The following UBE2E1 variants were observed in gnomAD, a reference collection of about 807,000 sequenced individuals.
UBE2E1 encodes the protein ubiquitin-conjugating enzyme E2 E1.
In UBE2E1, 6 loss-of-function variants were observed where a neutral mutation model predicts 21.4. That is an observed-to-expected ratio of 0.28 (90% CI 0.15 to 0.55). The LOEUF (loss-of-function observed/expected upper bound fraction) is 0.55, where lower values mean the gene tolerates loss of function less well. Among genes scored for constraint, UBE2E1 ranks in the 20% least tolerant of loss-of-function variants. UBE2E1 has a pLI of 0.93. For synonymous variants in UBE2E1, 87 were observed against 82.7 expected (o/e 1.05, Z -0.28); for missense variants, 142 against 236.5 (o/e 0.60, Z 2.62).
chr3:23,841,017 A>C (rs1700074125), intron 3 of UBE2E1, among the ~76,000 whole-genome samples: 1 of 152,228 alleles, frequency 6.6e-6, no homozygotes. Context: ...TAGAAGCTGA[A>C]GTGACTTTAC....
At chr3:23,873,689 T>C (rs1700852302) in intron 3 of UBE2E1, among the ~76,000 whole-genome samples, 1 of 152,032 alleles carries the variant, frequency 6.6e-6, no homozygotes, top group South Asian at 2.1e-4. Flanking sequence ...GAGGTTGCAG[T>C]GAGCCAAGAT....
At chr3:23,833,097 C>T (rs1350565868) in intron 3 of UBE2E1, among the ~76,000 whole-genome samples, 1 of 152,124 alleles carries the variant, frequency 6.6e-6, no homozygotes, top group African/African-American at 2.4e-5. Context: ...TAACACCATA[C>T]CTTTTGGTCA....
intron 3 of UBE2E1, among the ~76,000 whole-genome samples, chr3:23,828,781 A>G (rs1378863249): frequency 6.6e-6 from 1 of 152,272 alleles, no homozygotes; most frequent in African/African-American, 2.4e-5. Context: ...AAATTTGTTT[A>G]TAATTTTTAT....
At chr3:23,889,943 CAA>C (rs1701330296) in intron 5 of UBE2E1, 2 of 155,044 alleles carry the variant, frequency 1.3e-5, no homozygotes, top group Non-Finnish European at 2.8e-5. Flanking sequence ...CACACACAGA[CAA>C]ATATATTTTC....
At chr3:23,830,982 G>A (rs1410348335) in intron 3 of UBE2E1, among the ~76,000 whole-genome samples, 2 of 152,196 alleles carry the variant, frequency 1.3e-5, no homozygotes, top group South Asian at 2.1e-4. Flanking sequence ...AAGGTTATGT[G>A]CAGCTTAGTA....
chr3:23,887,835 T>C lies in UBE2E1; in HGVS notation c.336+136T>C, dbSNP rs112471069. 2,514 of 1,193,756 alleles carry C rather than the reference T, an allele frequency of 2.1e-3. 44 individuals carry two copies. The African/African-American group carries it at 0.034, about 16-fold the overall frequency. The allele number at this position is 1,193,756 out of a possible 1,614,324, so 73.9% of individuals were successfully genotyped here. On this transcript the variant is annotated intron_variant, in intron 4 of 5. Coordinates refer to ENST00000306627, the MANE Select transcript of UBE2E1 (RefSeq NM_003341.5). This position sits in a 1 kb window ranked among gnomAD's most constrained non-coding sequence, Gnocchi z 4.4. ...TAATAGATCTGAGTATTTTAACATA[T>C]ACAAAACACTTCTTTAGGTTGATTT...
Position 23,853,722 on chromosome 3 carries a change from T to C in UBE2E1, c.204-33845T>C, listed in dbSNP as rs576617367. Among the ~76,000 whole-genome samples, 1 of 152,156 alleles carries C rather than the reference T, an allele frequency of 6.6e-6. No homozygotes were observed. The highest frequency in any genetic ancestry group is 6.5e-5 in the Admixed American group (1 of 15,272). ...AAAATAACTACATGTACACCTGTAGTCTTGCTTTGTACAGGTTTTGCATTT... is the reference window on the plus strand; with the variant it reads ...AAAATAACTACATGTACACCTGTAGCCTTGCTTTGTACAGGTTTTGCATTT... On this transcript the variant is annotated intron_variant, in intron 3 of 5. Coordinates refer to ENST00000306627, the MANE Select transcript of UBE2E1 (RefSeq NM_003341.5). The surrounding 1 kb of genome is among the most constrained non-coding windows in gnomAD (Gnocchi z 4.1).
intron 3 of UBE2E1, among the ~76,000 whole-genome samples, chr3:23,846,373 G>C (rs1414619926): frequency 2.0e-5 from 3 of 152,026 alleles, no homozygotes; most frequent in Non-Finnish European, 4.4e-5. Context: ...AGTTCAGCCT[G>C]GGCAACATGG....
intron 3 of UBE2E1, among the ~76,000 whole-genome samples, chr3:23,885,362 C>A (rs1430769455): frequency 6.6e-6 from 1 of 152,084 alleles, no homozygotes; most frequent in East Asian, 1.9e-4. Context: ...TTATGATGAC[C>A]AAGAACCGGT....
intron 3 of UBE2E1, among the ~76,000 whole-genome samples, chr3:23,852,668 C>G (rs1022089272): frequency 2.0e-5 from 3 of 152,196 alleles, no homozygotes; most frequent in Non-Finnish European, 4.4e-5. Flanking sequence ...AATCTCAACT[C>G]AGTGCAGCCA....
At position 23,821,003 on chromosome 3, in the gene UBE2E1, T is replaced by G. The variant is rs140266349; in HGVS notation, c.203+9493T>G. Among the ~76,000 whole-genome samples, 907 of 152,308 alleles carry G rather than the reference T, an allele frequency of 6.0e-3. 4 individuals carry two copies. The highest frequency in any genetic ancestry group is 0.012 in the Admixed American group (176 of 15,284). ...GTGATGCAGCTCAAAAAGTCAGCAT[T>G]ATTATGAAGCAATGTTGTACATGTG... On this transcript the variant is annotated intron_variant, in intron 3 of 5. Transcript: ENST00000306627.
intron 3 of UBE2E1, among the ~76,000 whole-genome samples, chr3:23,873,316 G>A (rs190651668): frequency 6.6e-6 from 1 of 152,278 alleles, no homozygotes; most frequent in African/African-American, 2.4e-5. Context: ...GCTACCTTCA[G>A]CTGAAGGCAT....
At position 23,845,587 on chromosome 3, in the gene UBE2E1, C is replaced by CTGTGTGTGTG. The variant is rs372552220; in HGVS notation, c.203+34078_203+34079insGTGTGTGTGT. ...TCTCTCTCTCTCTCTCTCTCTCTCT[C>CTGTGTGTGTG]TCTGTGTGTGTGTGTGTGTGTGTGT... is the stretch of plus-strand genomic sequence containing the variant. On this transcript the variant is annotated intron_variant, in intron 3 of 5. Coordinates refer to ENST00000306627, the MANE Select transcript of UBE2E1 (RefSeq NM_003341.5). Among the ~76,000 whole-genome samples the CTGTGTGTGTG allele has an allele frequency of 9.9e-3, 1,140 of 115,458 alleles. 9 individuals carry two copies. The highest frequency in any genetic ancestry group is 0.037 in the South Asian group (110 of 2,966). The allele number at this position is 115,458 out of a possible 152,430, so 75.7% of individuals were successfully genotyped here. A position where few individuals can be genotyped will look rare whatever the true frequency, so the allele number is the denominator to read the frequency against.
chr3:23,821,870 C>A (rs1029125805), intron 3 of UBE2E1, among the ~76,000 whole-genome samples: 1 of 151,896 alleles, frequency 6.6e-6, no homozygotes, highest in Non-Finnish European at 1.5e-5. Flanking sequence ...ATGAAGGTGT[C>A]AAAAATAAGT....
At chr3:23,879,546 T>A in intron 3 of UBE2E1, 1 of 320,556 alleles carries the variant, frequency 3.1e-6, no homozygotes, top group South Asian at 3.4e-5. Flanking sequence ...TTCTTCTTGC[T>A]TTAGAACTTC....
At chr3:23,867,894 G>A (rs1254545049) in intron 3 of UBE2E1, among the ~76,000 whole-genome samples, 1 of 152,142 alleles carries the variant, frequency 6.6e-6, no homozygotes, top group African/African-American at 2.4e-5. Context: ...GCCAAAATCT[G>A]TCCTTCAATG....
At position 23,829,324 on chromosome 3, in the gene UBE2E1, C is replaced by CT. The variant is rs34404748; in HGVS notation, c.203+17829dup. Among the ~76,000 whole-genome samples the CT allele has an allele frequency of 2.8e-4, 40 of 142,848 alleles. 1 individual carries two copies. Among genetic ancestry groups the CT allele is most frequent in the East Asian group, 6.1e-4 (3 of 4,932 alleles). 93.7% of individuals were successfully genotyped at this position (142,848 alleles called of 152,430 possible). On this transcript the variant is annotated intron_variant, in intron 3 of 5. Transcript: ENST00000306627. ...AACAGGTGCACTCCACAAAGTCCAG[C>CT]TTTTTTTTTTTTTTTAATAGAGACA... is the stretch of plus-strand genomic sequence containing the variant.
At chr3:23,845,970 C>G (rs534007683) in intron 3 of UBE2E1, among the ~76,000 whole-genome samples, 4 of 152,208 alleles carry the variant, frequency 2.6e-5, no homozygotes, top group Non-Finnish European at 5.9e-5. Context: ...GTAGACCAAA[C>G]AGAAACAGGT....
chr3:23,857,684 G>A (rs1237282042), intron 3 of UBE2E1, among the ~76,000 whole-genome samples: 1 of 152,166 alleles, frequency 6.6e-6, no homozygotes, highest in African/African-American at 2.4e-5. Flanking sequence ...CTTGCTTGTG[G>A]TTTGGAAGCT....
Sources: gnomAD v4.1 joint callset for allele counts (sites outside exome capture counted in the v4.1 genomes callset) on GRCh38, gnomAD v4.1.1 for gene constraint, Gnocchi (gnomAD v3.1) non-coding constraint, MANE v1.5 for transcripts, NCBI Gene and HGNC (gene_info 2026-07-23, HGNC 2026-07-21) for gene names.